GPM6A: variants seen among roughly 807,000 people sequenced by gnomAD.
The protein encoded by GPM6A is neuronal membrane glycoprotein M6-a.
Under a neutral mutation model 32.1 loss-of-function variants are expected in GPM6A, and 7 were observed. The ratio of observed to expected loss-of-function variants is 0.22; its 90% confidence interval spans 0.12 to 0.41. The LOEUF (loss-of-function observed/expected upper bound fraction) is 0.41, where lower values mean the gene tolerates loss of function less well. GPM6A is among the 10% of genes least tolerant of loss of function. The pLI is 1.00. For missense variants in GPM6A, 235 were observed against 347.2 expected, an observed-to-expected ratio of 0.68 and a Z score of 2.57; for synonymous variants, 130 against 123.4, an observed-to-expected ratio of 1.05 and a Z score of -0.35.
At chr4:175,874,944 G>A (rs567396397) in intron 1 of GPM6A, among the ~76,000 whole-genome samples, 21 of 152,232 alleles carry the variant, frequency 1.4e-4, no homozygotes, top group African/African-American at 4.3e-4. Flanking sequence ...CCTCAGTTTC[G>A]TTTTGTGAAG....
chr4:175,812,286 T>G (rs771294727), upstream of GPM6A: 6 of 1,274,572 alleles, frequency 4.7e-6, no homozygotes, highest in African/African-American at 3.3e-5. Context: ...CAATTAGATG[T>G]TGGAAAAACT....
At chr4:175,819,091 A>C (rs1252532281) in intron 1 of GPM6A, among the ~76,000 whole-genome samples, 1 of 152,224 alleles carries the variant, frequency 6.6e-6, no homozygotes, top group Admixed American at 6.5e-5. Flanking sequence ...AGAGTAATCC[A>C]AATCTCTTTC....
intron 1 of GPM6A, among the ~76,000 whole-genome samples, chr4:175,706,803 G>T (rs1745218201): frequency 6.6e-6 from 1 of 152,210 alleles, no homozygotes; most frequent in South Asian, 2.1e-4. Context: ...GTCAGCATAA[G>T]ATACAGGTCA....
chr4:175,943,131 C>A (rs924437095), intron 1 of GPM6A, among the ~76,000 whole-genome samples: 18 of 152,056 alleles, frequency 1.2e-4, no homozygotes, highest in African/African-American at 4.1e-4. Context: ...GTATTGTATT[C>A]TCTTTGTAGC....
In GPM6A at chr4:175,981,750, G is replaced by C. The variant is rs1579684278; in HGVS notation, c.-23+20559C>G. On this transcript the variant is annotated intron_variant, in intron 1 of 7. Transcript: ENST00000280187. ...ATTTATCTCGGGTAAATACATAAGG[G>C]AGGGCTTGCTGGAACATTTTAAGTG... is the stretch of plus-strand genomic sequence containing the variant. 2.6e-5 allele frequency among the ~76,000 whole-genome samples: 4 copies of C among 152,160 alleles called. No individual in the cohort carries two copies. The East Asian group carries it at 7.7e-4, about 29-fold the overall frequency.
At chr4:175,962,948 G>A (rs1740213090) in intron 1 of GPM6A, among the ~76,000 whole-genome samples, 1 of 151,954 alleles carries the variant, frequency 6.6e-6, no homozygotes, top group South Asian at 2.1e-4. Flanking sequence ...GAACAGATGG[G>A]TAATGTAAGC....
chr4:175,730,872 C>T (rs1438122916), intron 1 of GPM6A, among the ~76,000 whole-genome samples: 2 of 152,128 alleles, frequency 1.3e-5, no homozygotes, highest in Non-Finnish European at 2.9e-5. Flanking sequence ...CTAATGACCC[C>T]TCCATTTTTC....
At chr4:175,944,771 C>T (rs936358961) in intron 1 of GPM6A, among the ~76,000 whole-genome samples, 13 of 152,096 alleles carry the variant, frequency 8.5e-5, no homozygotes, top group Non-Finnish European at 1.8e-4. Flanking sequence ...GTGGCATGGA[C>T]GACAAATTCA....
intron 1 of GPM6A, among the ~76,000 whole-genome samples, chr4:175,896,537 C>T (rs992441981): frequency 2.0e-5 from 3 of 152,098 alleles, no homozygotes; most frequent in African/African-American, 7.2e-5. Flanking sequence ...TCACTCTACC[C>T]CAGTTATGGA....
intron 1 of GPM6A, among the ~76,000 whole-genome samples, chr4:175,949,698 A>C (rs917791445): frequency 1.3e-5 from 2 of 152,216 alleles, no homozygotes; most frequent in Non-Finnish European, 1.5e-5. Flanking sequence ...TCTTTGGCTG[A>C]TACTTTCAGA....
chr4:175,982,894 T>C (rs2126445176), intron 1 of GPM6A, among the ~76,000 whole-genome samples: 1 of 152,310 alleles, frequency 6.6e-6, no homozygotes, highest in Admixed American at 6.5e-5. Context: ...AGGTCTTTGT[T>C]TTCTTTCATG....
At position 175,793,704 on chromosome 4, in the gene GPM6A, A is replaced by T. The variant is rs1734103363; in HGVS notation, c.37+18487T>A. 2.0e-5 allele frequency among the ~76,000 whole-genome samples: 3 copies of T among 152,228 alleles called. No homozygotes were observed. The East Asian group carries it at 5.8e-4, about 29-fold the overall frequency. On this transcript the variant is annotated intron_variant, in intron 1 of 6. Transcript: ENST00000393658. The stretch of plus-strand genomic sequence containing the variant: ...ATCCATGAATTCTTCTGCACATCAG[A>T]CACTACTTATACTTTTTACTTGGAT...
intron 1 of GPM6A, among the ~76,000 whole-genome samples, chr4:175,974,252 A>G (rs981594562): frequency 6.6e-6 from 1 of 152,058 alleles, no homozygotes; most frequent in Non-Finnish European, 1.5e-5. Flanking sequence ...TAAATAAATA[A>G]AAATAAAAAT....
At chr4:175,884,678 C>T (rs1360059826) in intron 1 of GPM6A, among the ~76,000 whole-genome samples, 1 of 151,810 alleles carries the variant, frequency 6.6e-6, no homozygotes, top group Non-Finnish European at 1.5e-5. Context: ...ACTACCAGTG[C>T]CCACCAAGAG....
chr4:175,851,999 A>G (rs1736273644), intron 1 of GPM6A, among the ~76,000 whole-genome samples: 2 of 152,174 alleles, frequency 1.3e-5, no homozygotes, highest in Admixed American at 6.5e-5. Flanking sequence ...TGGATATTAA[A>G]AGATCAGTCA....
At chr4:175,814,455 T>C (rs1735038509), upstream of GPM6A, among the ~76,000 whole-genome samples, 1 of 152,206 alleles carries the variant, frequency 6.6e-6, no homozygotes, top group Non-Finnish European at 1.5e-5. Context: ...CTTCAGCATC[T>C]TCAGAAATCA....
At chr4:175,765,274 T>C (rs914763272) in intron 1 of GPM6A, among the ~76,000 whole-genome samples, 18 of 152,156 alleles carry the variant, frequency 1.2e-4, no homozygotes, top group African/African-American at 4.3e-4. Flanking sequence ...CTTTTCTTTA[T>C]TATCACTGGC....
intron 1 of GPM6A, among the ~76,000 whole-genome samples, chr4:175,734,235 G>A (rs1731558751): frequency 6.6e-6 from 1 of 151,238 alleles, no homozygotes; most frequent in Non-Finnish European, 1.5e-5. Flanking sequence ...TTTTATTAAA[G>A]GTTCAGAACC....
intron 2 of GPM6A, among the ~76,000 whole-genome samples, chr4:175,699,454 C>T (rs1368746587): frequency 6.6e-6 from 1 of 152,126 alleles, no homozygotes; most frequent in Non-Finnish European, 1.5e-5. Flanking sequence ...TTTTTCAGAA[C>T]TAATTAGTAA....
Sources: allele counts gnomAD v4.1 joint callset (sites outside exome capture counted in the v4.1 genomes callset), GRCh38; gene constraint gnomAD v4.1.1; transcripts MANE v1.5; gene names NCBI Gene and HGNC (gene_info 2026-07-23, HGNC 2026-07-21).